AFF3: variants seen among roughly 807,000 people sequenced by gnomAD.
AFF3 encodes the protein ALF transcription elongation factor 3.
Under a neutral mutation model 129.7 loss-of-function variants are expected in AFF3, and 32 were observed. The observed-to-expected ratio is 0.25, with a 90% CI of 0.19 to 0.33. The LOEUF is 0.33. Among genes scored for constraint, AFF3 ranks in the 10% least tolerant of loss-of-function variants. The pLI is 1.00. For synonymous variants in AFF3, 644 were observed against 635.4 expected, an observed-to-expected ratio of 1.01 and a Z score of -0.20; for missense variants, 1,373 against 1,592.0, an observed-to-expected ratio of 0.86 and a Z score of 2.34.
intron 12 of AFF3, among the ~76,000 whole-genome samples, chr2:99,668,511 T>G (rs1215183096): frequency 1.3e-5 from 2 of 151,444 alleles, no homozygotes; most frequent in South Asian, 2.1e-4. Context: ...CAGGCCCATA[T>G]GGTTTTACTA....
At chr2:100,066,904 A>G (rs1283711996) in intron 4 of AFF3, among the ~76,000 whole-genome samples, 3 of 152,176 alleles carry the variant, frequency 2.0e-5, no homozygotes. Context: ...ACTAGAGGAG[A>G]ACTGCGCAAT....
At chr2:99,787,494 G>A (rs978395047) in intron 8 of AFF3, among the ~76,000 whole-genome samples, 3 of 152,200 alleles carry the variant, frequency 2.0e-5, no homozygotes, top group African/African-American at 2.4e-5. Flanking sequence ...TTAAGGCGAT[G>A]TGCCCCCTGC....
intron 15 of AFF3, 138 bp downstream of exon 15, chr2:99,593,057 A>G (rs374911591): frequency 1.2e-6 from 1 of 868,340 alleles, no homozygotes; most frequent in East Asian, 2.7e-5. Flanking sequence ...AGTGTGTGTT[A>G]GGTAAGGACA....
At chr2:99,846,741 C>T (rs935059694) in intron 7 of AFF3, among the ~76,000 whole-genome samples, 4 of 152,202 alleles carry the variant, frequency 2.6e-5, no homozygotes, top group African/African-American at 4.8e-5. Flanking sequence ...GCGTATTTGA[C>T]GATATTCTAT....
intron 11 of AFF3, among the ~76,000 whole-genome samples, chr2:99,683,233 A>G (rs1354733559): frequency 6.6e-6 from 1 of 152,172 alleles, no homozygotes; most frequent in Non-Finnish European, 1.5e-5. Flanking sequence ...TATGCAAAGA[A>G]CTTAAAGTTG....
chr2:100,123,453 A>AT (rs1006228491), intron 2 of AFF3, among the ~76,000 whole-genome samples: 27 of 152,216 alleles, frequency 1.8e-4, no homozygotes, highest in African/African-American at 6.5e-4. Context: ...ATATAACACC[A>AT]TTTTTCACTT....
intron 4 of AFF3, among the ~76,000 whole-genome samples, chr2:100,056,832 C>A (rs950049812): frequency 2.0e-5 from 3 of 152,076 alleles, no homozygotes; most frequent in Non-Finnish European, 4.4e-5. Flanking sequence ...TTCTGGTTCA[C>A]CTCAGGCACT....
At chr2:99,684,241 T>C (rs1674813512) in intron 11 of AFF3, among the ~76,000 whole-genome samples, 1 of 152,214 alleles carries the variant, frequency 6.6e-6, no homozygotes, top group African/African-American at 2.4e-5. Context: ...CATGGGGTCA[T>C]TTAAGACTCA....
intron 7 of AFF3, among the ~76,000 whole-genome samples, chr2:99,877,564 T>A (rs1410413883): frequency 2.0e-5 from 3 of 152,224 alleles, no homozygotes; most frequent in Non-Finnish European, 4.4e-5. Flanking sequence ...ACTGGCACTT[T>A]ATTAAAGACC....
At chr2:99,931,686 A>C (rs1696681530) in intron 7 of AFF3, among the ~76,000 whole-genome samples, 1 of 152,232 alleles carries the variant, frequency 6.6e-6, no homozygotes, top group South Asian at 2.1e-4. Context: ...AGGCGTGTGG[A>C]TCACCTGAGG....
chr2:100,113,329 C>T (rs114547539), intron 2 of AFF3, among the ~76,000 whole-genome samples: 2,193 of 152,330 alleles, frequency 0.014, 58 homozygotes, highest in African/African-American at 0.05. Context: ...TCTTAATGCA[C>T]TTACTCATCC....
chr2:99,936,664 G>A (rs1674552224), intron 7 of AFF3, among the ~76,000 whole-genome samples: 2 of 152,202 alleles, frequency 1.3e-5, no homozygotes, highest in South Asian at 4.1e-4. Context: ...GAAAAGGCAG[G>A]AGGGTGCATT....
chr2:99,821,156 A>G (rs2309685), intron 8 of AFF3, among the ~76,000 whole-genome samples: 93,168 of 151,932 alleles, frequency 0.61, 30,167 homozygotes, highest in South Asian at 0.79. Context: ...CACAGGCTTG[A>G]GCCACTACAT....
intron 8 of AFF3, among the ~76,000 whole-genome samples, chr2:99,809,066 G>C (rs1447317690): frequency 6.6e-6 from 1 of 152,234 alleles, no homozygotes; most frequent in Non-Finnish European, 1.5e-5. Flanking sequence ...TACCTAGAGA[G>C]GAAGGTGCAC....
chr2:99,967,292 C>A (rs73964387), intron 7 of AFF3, among the ~76,000 whole-genome samples: 3,161 of 151,860 alleles, frequency 0.021, 56 homozygotes, highest in Middle Eastern at 0.051. Flanking sequence ...TGACCACCCC[C>A]CCGCCCCCAA....
intron 10 of AFF3, among the ~76,000 whole-genome samples, chr2:99,732,606 C>G (rs1679925496): frequency 6.6e-6 from 1 of 152,254 alleles, no homozygotes; most frequent in Middle Eastern, 3.4e-3. Context: ...CTGTGCAATA[C>G]TTTATTGTAT....
At chr2:99,601,325 C>CT in intron 14 of AFF3, 110 bp downstream of exon 14, 1 of 1,316,450 alleles carries the variant, frequency 7.6e-7, no homozygotes. Flanking sequence ...GGCTTGGGGT[C>CT]TGCAGGAGGG....
intron 14 of AFF3, among the ~76,000 whole-genome samples, chr2:99,595,836 C>T (rs973091781): frequency 1.3e-5 from 2 of 152,178 alleles, no homozygotes; most frequent in African/African-American, 2.4e-5. Context: ...GGCCACAGAG[C>T]GTGGGGATCA....
intron 4 of AFF3, among the ~76,000 whole-genome samples, chr2:100,091,249 C>T (rs1256852962): frequency 2.6e-5 from 4 of 152,092 alleles, no homozygotes; most frequent in Non-Finnish European, 4.4e-5. Context: ...TAATACATAC[C>T]TGTGAAAGGC....
Sources: allele counts gnomAD v4.1 joint callset (sites outside exome capture counted in the v4.1 genomes callset), GRCh38; gene constraint gnomAD v4.1.1; transcripts MANE v1.5; gene names NCBI Gene and HGNC (gene_info 2026-07-23, HGNC 2026-07-21).